The following KIF1A variants were observed in gnomAD, a reference collection of about 807,000 sequenced individuals.
KIF1A encodes the protein kinesin family member 1A.
KIF1A carries 46 observed loss-of-function variants against 227.3 expected under a neutral mutation model. The ratio of observed to expected loss-of-function variants is 0.20; its 90% CI spans 0.16 to 0.26. The LOEUF (loss-of-function observed/expected upper bound fraction) is 0.26, where lower values mean the gene tolerates loss of function less well. KIF1A is among the 10% of genes least tolerant of loss of function. The probability of loss-of-function intolerance (pLI) is 1.00; values close to 1 mark genes in which losing one functional copy is unlikely to be tolerated. For missense variants in KIF1A, 1,683 were observed against 2,485.9 expected (o/e 0.68, Z 6.87); for synonymous variants, 1,022 against 1,012.8 (o/e 1.01, Z -0.17).
Position 240,789,360 on chromosome 2 carries a change from G to A in KIF1A, c.107-48C>T, listed in dbSNP as rs749988805. The A allele has an allele frequency of 1.7e-5, 25 of 1,481,412 alleles. No individual in the cohort carries two copies. The highest frequency in any genetic ancestry group is 2.2e-5 in the Non-Finnish European group (23 of 1,060,170). 91.8% of individuals were successfully genotyped at this position (1,481,412 alleles called of 1,614,324 possible). A position where few individuals can be genotyped will look rare whatever the true frequency, so the allele number is the denominator to read the frequency against. On this transcript the variant is annotated intron_variant, in intron 2 of 48. Coordinates refer to ENST00000498729, the MANE Select transcript of KIF1A (RefSeq NM_001244008.2). This position sits in a 1 kb window ranked among gnomAD's most constrained non-coding sequence, Gnocchi z 4.8. ...TTAGCGCTGTGCTGGGAGGGCCCCT[G>A]ACTAGCTGGCATCTACACTCCAAGG...
intron 1 of KIF1A, among the ~76,000 whole-genome samples, chr2:240,808,241 C>T (rs1478364878): frequency 6.6e-6 from 1 of 152,162 alleles, no homozygotes; most frequent in Non-Finnish European, 1.5e-5. Context: ...TGCTCATCTA[C>T]ACATAAATCA....
rs1328542705 is a variant in KIF1A at position 240,778,337 on chromosome 2, C to T, written c.883-2411G>A. 6.6e-6 allele frequency among the ~76,000 whole-genome samples: 1 copy of T among 152,018 alleles called. No homozygotes were observed. The highest frequency in any genetic ancestry group is 1.5e-5 in the Non-Finnish European group (1 of 67,998). Reference sequence around the variant, plus strand: ...TTACACAGGCGTTCCTCACCATTCTCCACACGCCAGTCCCCACCGTCCCTG... The same window carrying T: ...TTACACAGGCGTTCCTCACCATTCTTCACACGCCAGTCCCCACCGTCCCTG... On this transcript the variant is annotated intron_variant, in intron 10 of 48. Transcript: ENST00000498729. The surrounding 1 kb of genome is among the most constrained non-coding windows in gnomAD (Gnocchi z 7.2).
chr2:240,743,234 G>A (rs563974429), intron 33 of KIF1A, among the ~76,000 whole-genome samples: 18 of 152,290 alleles, frequency 1.2e-4, no homozygotes, highest in Middle Eastern at 3.4e-3. Flanking sequence ...TCAGGCACTC[G>A]CGAGGACAGA....
Position 240,767,035 on chromosome 2 carries a change from G to A in KIF1A, c.1578-14C>T, listed in dbSNP as rs1382333994. On this transcript the variant is annotated splice_polypyrimidine_tract_variant and intron_variant, in intron 18 of 48. Coordinates refer to ENST00000498729, the MANE Select transcript of KIF1A (RefSeq NM_001244008.2). ...TCCCTGCCCACTCTGCGGGGTGGGG[G>A]CACCATCAGCACGGCAGCTGGGACC... The A allele has an allele frequency of 2.5e-6, 4 of 1,573,242 alleles. No homozygotes were observed. The highest frequency in any genetic ancestry group is 3.5e-6 in the Non-Finnish European group (4 of 1,150,306).
intron 38 of KIF1A, among the ~76,000 whole-genome samples, chr2:240,734,475 G>T (rs546168136): frequency 6.6e-6 from 1 of 152,164 alleles, no homozygotes; most frequent in African/African-American, 2.4e-5. Context: ...AATCAGGAGT[G>T]GGGGAAGAAG....
In KIF1A at chr2:240,745,848, C is replaced by G. The variant is rs374238759; in HGVS notation, c.3264G>C (p.Leu1088=). 6.2e-7 allele frequency: 1 copy of G among 1,612,620 alleles called. No individual in the cohort carries two copies. Among genetic ancestry groups the G allele is most frequent in the South Asian group, 1.1e-5 (1 of 90,802 alleles). ...GGCGGAGGTGGTCCAGGGCAGCATC[C>G]AGGGGCCCATCCAGGGCGGCTTTCT... ...SSEKAALDGP[L]DAALDHLRLG... The change falls in exon 31 of 49, where the codon CTG becomes CTC. Residue 1088 remains leucine (L), a synonymous_variant. Coordinates refer to ENST00000498729, the MANE Select transcript of KIF1A (RefSeq NM_001244008.2).
rs2047682433 is a variant in KIF1A at position 240,739,182 on chromosome 2, T to C, written c.3901+876A>G. On this transcript the variant is annotated intron_variant, in intron 37 of 48. Transcript: ENST00000498729. The surrounding 1 kb of genome is among the most constrained non-coding windows in gnomAD (Gnocchi z 5.6). The stretch of plus-strand genomic sequence containing the variant: ...GGGTCCAGCCTCAGGGAAGTGACCT[T>C]GAGCAGCCACCCAGCCCGGCCATGG... Among the ~76,000 whole-genome samples the C allele has an allele frequency of 6.6e-6, 1 of 152,170 alleles. No individual in the cohort carries two copies. Among genetic ancestry groups the C allele is most frequent in the Non-Finnish European group, 1.5e-5 (1 of 68,022 alleles).
In KIF1A at chr2:240,786,756, G is replaced by GGGGTGGGGGCCGCC. The variant is rs1559529947; in HGVS notation, c.430-244_430-243insGGCGGCCCCCACCC. On this transcript the variant is annotated intron_variant, in intron 5 of 48. Coordinates refer to ENST00000498729, the MANE Select transcript of KIF1A (RefSeq NM_001244008.2). Reference sequence around the variant, plus strand: ...GGCTGCCTGCTGGGCCCCTGAGTGAGAGGGTAGGGGCCACCATCAGGACCC... The same window carrying GGGGTGGGGGCCGCC: ...GGCTGCCTGCTGGGCCCCTGAGTGAGGGGTGGGGGCCGCCAGGGTAGGGGCCACCATCAGGACCC... Among the ~76,000 whole-genome samples, 71 of 63,686 alleles carry GGGGTGGGGGCCGCC rather than the reference G, an allele frequency of 1.1e-3. 4 individuals are homozygous for GGGGTGGGGGCCGCC. Among genetic ancestry groups the GGGGTGGGGGCCGCC allele is most frequent in the Middle Eastern group, 8.2e-3 (1 of 122 alleles). The allele number at this position is 63,686 out of a possible 152,430, so 41.8% of individuals were successfully genotyped here. A position where few individuals can be genotyped will look rare whatever the true frequency, so the allele number is the denominator to read the frequency against.
At chr2:240,720,755 G>A (rs372101295) in intron 45 of KIF1A, 159 bp downstream of exon 45, 80 of 801,410 alleles carry the variant, frequency 1.0e-4, no homozygotes, top group East Asian at 2.0e-4. Flanking sequence ...AGAGGGCTGC[G>A]GACTCCACTC....
At chr2:240,796,578 A>G (rs1028364172) in intron 2 of KIF1A, among the ~76,000 whole-genome samples, 5 of 152,206 alleles carry the variant, frequency 3.3e-5, no homozygotes, top group African/African-American at 9.7e-5. Context: ...CAAACAGACA[A>G]AACAATTCAC....
chr2:240,744,738 C>G (rs886405425), intron 32 of KIF1A, among the ~76,000 whole-genome samples: 1 of 152,194 alleles, frequency 6.6e-6, no homozygotes, highest in Non-Finnish European at 1.5e-5. Flanking sequence ...TGGGAGGCCA[C>G]ATTTCTGTTG....
rs757444259 is a variant in KIF1A, at chr2:240,744,057, C to T, written c.3469G>A (p.Ala1157Thr). Reference protein sequence around the residue: ...PLGFYHVQNIAVEVTKSFIEY... With the variant: ...PLGFYHVQNITVEVTKSFIEY... ...ATGAAGGACTTGGTCACCTCCACTG[C>T]GATCTGGTGGGCAGGCAGGTGGGAG... is the stretch of plus-strand genomic sequence containing the variant. Residue 1157 changes from alanine (A) to threonine (T), a missense_variant, in exon 33 of 49, where the codon GCA (alanine) becomes ACA (threonine). Physicochemically the swap from Ala to Thr is moderately conservative, Grantham distance 58. This residue lies in a region of KIF1A where 759 missense variants were observed against 1,020.2 expected (regional missense o/e 0.74). Coordinates refer to ENST00000498729, the MANE Select transcript of KIF1A (RefSeq NM_001244008.2). 2 of 1,606,752 alleles carry T rather than the reference C, an allele frequency of 1.2e-6. No individual in the cohort carries two copies. Among genetic ancestry groups the T allele is most frequent in the South Asian group, 1.1e-5 (1 of 90,888 alleles).
Position 240,775,920 on chromosome 2 carries a change from T to A in KIF1A, c.889A>T (p.Lys297Ter). The A allele has an allele frequency of 6.2e-7, 1 of 1,608,422 alleles. No homozygotes were observed. Among genetic ancestry groups the A allele is most frequent in the Non-Finnish European group, 8.5e-7 (1 of 1,174,776 alleles). Reference sequence around the variant, plus strand: ...GGAATGAAATCTGTCTTCTTCTTTTTCTTGTTCTGTGGGGGAGGAACATTC... The same window carrying A: ...GGAATGAAATCTGTCTTCTTCTTTTACTTGTTCTGTGGGGGAGGAACATTC... The part of the protein sequence containing the change: ...EMDSGPNKNK[K>*]KKKTDFIPYR... The change falls in exon 11 of 49, where the codon AAA (lysine) becomes TAA (stop). Residue 297 changes from lysine to a stop codon, truncating the protein, a stop_gained. Transcript: ENST00000498729. LOFTEE classifies it high-confidence loss of function. This position sits in a 1 kb window ranked among gnomAD's most constrained non-coding sequence, Gnocchi z 5.5.
intron 20 of KIF1A, among the ~76,000 whole-genome samples, chr2:240,764,523 C>T (rs1211018961): frequency 6.6e-6 from 1 of 152,198 alleles, no homozygotes; most frequent in Non-Finnish European, 1.5e-5. Context: ...CCGAAGACTC[C>T]TCCGAAAGCC....
rs1559530258 is a variant in KIF1A at position 240,786,804 on chromosome 2, C to CCAG, written c.430-292_430-291insCTG. On this transcript the variant is annotated intron_variant, in intron 5 of 48. Coordinates refer to ENST00000498729, the MANE Select transcript of KIF1A (RefSeq NM_001244008.2). ...CCCCTGAGTGAGGGGGTGGGGGCTG[C>CCAG]CATCAGGACCCCTGAGTGAGAGGGT... 3.8e-4 allele frequency among the ~76,000 whole-genome samples: 48 copies of CCAG among 127,182 alleles called. 3 individuals carry two copies. The highest frequency in any genetic ancestry group is 1.6e-3 in the African/African-American group (46 of 27,930). 83.4% of individuals were successfully genotyped at this position (127,182 alleles called of 152,430 possible). A position where few individuals can be genotyped will look rare whatever the true frequency, so the allele number is the denominator to read the frequency against.
intron 10 of KIF1A, chr2:240,781,868 C>T (rs2054072213): frequency 1.0e-6 from 1 of 985,302 alleles, no homozygotes; most frequent in Non-Finnish European, 1.2e-6. Flanking sequence ...CTTCCTGCAG[C>T]CCCACGTGTT....
rs183431148 is a variant in KIF1A at position 240,769,517 on chromosome 2, A to G, written c.1421+110T>C. On this transcript the variant is annotated intron_variant, in intron 16 of 48. Coordinates refer to ENST00000498729, the MANE Select transcript of KIF1A (RefSeq NM_001244008.2). ...CCCTGGGCTGGGATGTGGCCACCCC[A>G]TGGTGCAGGTGCCCAGCACTGGAGG... 3.1e-3 allele frequency: 2,697 copies of G among 879,616 alleles called. 118 individuals carry two copies. In the Admixed American group the frequency reaches 0.059, roughly 19 times the overall value. 54.5% of individuals were successfully genotyped at this position (879,616 alleles called of 1,614,324 possible).
intron 25 of KIF1A, among the ~76,000 whole-genome samples, chr2:240,760,337 G>T (rs1044734838): frequency 6.6e-6 from 1 of 152,254 alleles, no homozygotes. Flanking sequence ...AGCCTGTTCT[G>T]TCGGTGCCAC....
At position 240,747,955 on chromosome 2, in the gene KIF1A, C is replaced by T. The variant is rs75830249; in HGVS notation, c.2978-634G>A. On this transcript the variant is annotated intron_variant, in intron 28 of 48. Transcript: ENST00000498729. ...CAGCAAACTGACCTCGCCCGGGTCA[C>T]GGGCAGGGCTGATGAGACTTCTGAC... Among the ~76,000 whole-genome samples the T allele has an allele frequency of 4.3e-3, 660 of 152,356 alleles. 6 individuals are homozygous for T. Among genetic ancestry groups the T allele is most frequent in the African/African-American group, 0.015 (611 of 41,586 alleles).
Sources: gnomAD v4.1 joint callset for allele counts (sites outside exome capture counted in the v4.1 genomes callset) on GRCh38, gnomAD v4.1.1 for gene constraint, gnomAD v4.1.1 regional missense constraint, Gnocchi (gnomAD v3.1) non-coding constraint, MANE v1.5 for transcripts, NCBI Gene and HGNC (gene_info 2026-07-23, HGNC 2026-07-21) for gene names.